KAZN: variants seen among roughly 807,000 people sequenced by gnomAD.
KAZN encodes the protein kazrin, periplakin interacting protein.
In KAZN, 40 loss-of-function variants were observed where a neutral mutation model predicts 87.4. That is an observed-to-expected ratio of 0.46 (90% confidence interval 0.36 to 0.60). The LOEUF is 0.60. Among genes scored for constraint, KAZN ranks in the 20% least tolerant of loss-of-function variants. KAZN has a pLI of 0.00. For missense variants in KAZN, 898 were observed against 1,073.9 expected (o/e 0.84, Z 2.29); for synonymous variants, 466 against 458.3 (o/e 1.02, Z -0.22).
intron 1 of KAZN, among the ~76,000 whole-genome samples, chr1:14,819,185 C>T (rs16850907): frequency 0.055 from 8,318 of 152,204 alleles, 266 homozygotes; most frequent in African/African-American, 0.061. Flanking sequence ...AACTTGGTAC[C>T]GGTATAGAAG....
chr1:14,282,852 A>G (rs970900140), intron 2 of KAZN, among the ~76,000 whole-genome samples: 19 of 152,198 alleles, frequency 1.2e-4, no homozygotes, highest in Non-Finnish European at 2.4e-4. Context: ...TTCAGCCAGG[A>G]AGATAATAGA....
At chr1:14,139,751 T>A (rs944029892) in intron 1 of KAZN, among the ~76,000 whole-genome samples, 1 of 152,220 alleles carries the variant, frequency 6.6e-6, no homozygotes, top group Non-Finnish European at 1.5e-5. Context: ...GAAAAAGGAA[T>A]TCCAGATCCC....
intron 1 of KAZN, among the ~76,000 whole-genome samples, chr1:14,001,209 A>G (rs1253842368): frequency 6.6e-6 from 1 of 152,180 alleles, no homozygotes; most frequent in Admixed American, 6.5e-5. Context: ...CTTTACACCA[A>G]TAGACAAGCA....
chr1:15,108,069 G>A (rs1213207649), intron 13 of KAZN, among the ~76,000 whole-genome samples: 1 of 152,188 alleles, frequency 6.6e-6, no homozygotes, highest in Admixed American at 6.5e-5. Context: ...GTTCTCATTA[G>A]CATTTCAATG....
chr1:14,088,521 T>C (rs182589446), intron 1 of KAZN, among the ~76,000 whole-genome samples: 4 of 152,142 alleles, frequency 2.6e-5, no homozygotes, highest in Admixed American at 2.6e-4. Context: ...TTCAATTCTT[T>C]AAATTTGTTA....
chr1:14,577,104 A>G (rs1285844251), intron 2 of KAZN, among the ~76,000 whole-genome samples: 1 of 152,226 alleles, frequency 6.6e-6, no homozygotes, highest in South Asian at 2.1e-4. Flanking sequence ...ACACTTTTGC[A>G]ACATTTCTTT....
intron 2 of KAZN, among the ~76,000 whole-genome samples, chr1:14,576,170 T>C (rs1675166620): frequency 6.6e-6 from 1 of 152,202 alleles, no homozygotes; most frequent in South Asian, 2.1e-4. Flanking sequence ...GTCACATTTG[T>C]AAAATGAAGA....
intron 1 of KAZN, among the ~76,000 whole-genome samples, chr1:13,960,415 G>C (rs1641706490): frequency 6.6e-6 from 1 of 152,174 alleles, no homozygotes. Context: ...CATACCTTAA[G>C]TCATGTACGT....
chr1:14,451,911 G>T (rs1483876524), intron 2 of KAZN, among the ~76,000 whole-genome samples: 6 of 152,214 alleles, frequency 3.9e-5, no homozygotes, highest in South Asian at 2.1e-4. Flanking sequence ...ATTGGACGCT[G>T]TTTTGGGATG....
intron 1 of KAZN, among the ~76,000 whole-genome samples, chr1:14,942,548 C>T (rs1013117343): frequency 3.3e-5 from 5 of 152,232 alleles, no homozygotes. Flanking sequence ...AACCTAGAAC[C>T]TACTCTTCTC....
At chr1:14,939,272 T>A (rs1450578988) in intron 1 of KAZN, among the ~76,000 whole-genome samples, 2 of 149,020 alleles carry the variant, frequency 1.3e-5, no homozygotes, top group African/African-American at 5.0e-5. Flanking sequence ...GTGCCTGGCC[T>A]GTTTATTCAT....
chr1:14,358,907 T>C (rs745443414), intron 2 of KAZN, among the ~76,000 whole-genome samples: 3 of 152,214 alleles, frequency 2.0e-5, no homozygotes, highest in Non-Finnish European at 4.4e-5. Context: ...ATTCTTTTGA[T>C]TTGGGGTGGA....
At chr1:14,782,177 C>T (rs1405123329) in intron 1 of KAZN, among the ~76,000 whole-genome samples, 1 of 152,192 alleles carries the variant, frequency 6.6e-6, no homozygotes, top group East Asian at 1.9e-4. Context: ...GAAGATGGGA[C>T]TTCCACCCTC....
At position 15,056,084 on chromosome 1, in the gene KAZN, T is replaced by A. The variant is rs1353612871; in HGVS notation, c.727-7T>A. ...ACTTCTTCTTCCTGTCTTCTTGCTC[T>A]CTCCAGGCCAAACAGTCCTTAGCTA... On this transcript the variant is annotated splice_region_variant and splice_polypyrimidine_tract_variant and intron_variant, in intron 4 of 14. Coordinates refer to ENST00000376030, the MANE Select transcript of KAZN (RefSeq NM_201628.3). The surrounding 1 kb of genome is among the most constrained non-coding windows in gnomAD (Gnocchi z 5.4). 1.9e-6 allele frequency: 3 copies of A among 1,589,872 alleles called. No homozygotes were observed. Among genetic ancestry groups the A allele is most frequent in the Admixed American group, 1.7e-5 (1 of 59,144 alleles).
At chr1:14,844,179 C>G (rs1305860862) in intron 1 of KAZN, among the ~76,000 whole-genome samples, 1 of 152,164 alleles carries the variant, frequency 6.6e-6, no homozygotes, top group Non-Finnish European at 1.5e-5. Context: ...AGCCCCAGAA[C>G]TTGTCTTGGG....
chr1:15,050,217 A>ATAGAATAGAG (rs1674238688), intron 4 of KAZN, among the ~76,000 whole-genome samples: 1 of 151,204 alleles, frequency 6.6e-6, no homozygotes, highest in African/African-American at 2.4e-5. Context: ...ATAGAATAGA[A>ATAGAATAGAG]TAGAACCTTC....
At chr1:14,814,047 C>T (rs939968851) in intron 1 of KAZN, among the ~76,000 whole-genome samples, 2 of 152,156 alleles carry the variant, frequency 1.3e-5, no homozygotes, top group Non-Finnish European at 2.9e-5. Flanking sequence ...TTGCCTCTGT[C>T]AATGGGTGAT....
At chr1:14,288,928 T>A (rs1391774538) in intron 2 of KAZN, among the ~76,000 whole-genome samples, 1 of 152,240 alleles carries the variant, frequency 6.6e-6, no homozygotes, top group Non-Finnish European at 1.5e-5. Context: ...TCTGCCTTAA[T>A]TTCGTTATGT....
At chr1:14,788,775 C>G (rs563758165) in intron 1 of KAZN, among the ~76,000 whole-genome samples, 2 of 152,050 alleles carry the variant, frequency 1.3e-5, no homozygotes, top group African/African-American at 4.8e-5. Context: ...TGTGGGAGGT[C>G]ACCACTTGTA....
Sources: gnomAD v4.1 joint callset for allele counts (sites outside exome capture counted in the v4.1 genomes callset) on GRCh38, gnomAD v4.1.1 for gene constraint, Gnocchi (gnomAD v3.1) non-coding constraint, MANE v1.5 for transcripts, NCBI Gene and HGNC (gene_info 2026-07-23, HGNC 2026-07-21) for gene names.